Variants in AACS observed in about 807,000 individuals in gnomAD.
AACS encodes acetoacetate-CoA ligase.
A neutral mutation model predicts 83.1 loss-of-function variants in AACS; 69 were observed. The observed-to-expected ratio is 0.83, with a 90% confidence interval of 0.68 to 1.01. The LOEUF is 1.01. Ranked by LOEUF, AACS falls within the 50% of genes least tolerant of loss-of-function variation. The probability of loss-of-function intolerance (pLI) is 0.00; values close to 1 mark genes in which losing one functional copy is unlikely to be tolerated. For synonymous variants in AACS, 333 were observed against 343.4 expected (o/e 0.97, Z 0.33); for missense variants, 866 against 882.2 (o/e 0.98, Z 0.23).
In AACS at chr12:125,082,849, A is replaced by G. The variant is rs1956229140; in HGVS notation, c.359-3481A>G. 2.0e-5 allele frequency among the ~76,000 whole-genome samples: 3 copies of G among 152,262 alleles called. 1 individual carries two copies. In the South Asian group the frequency reaches 6.2e-4, roughly 32 times the overall value. ...CACACACAGACACACACACACACAC[A>G]AAGAGGTAATTCATGTTATAGAACT... is the stretch of plus-strand genomic sequence containing the variant. On this transcript the variant is annotated intron_variant, in intron 3 of 17. Transcript: ENST00000316519.
intron 12 of AACS, 153 bp downstream of exon 12, chr12:125,125,177 C>G (rs1039538738): frequency 4.9e-6 from 6 of 1,228,436 alleles, no homozygotes; most frequent in Non-Finnish European, 6.7e-6. Context: ...CAGTGATGTT[C>G]CACGAAGTCA....
chr12:125,078,465 T>C (rs1956085224), intron 3 of AACS: 2 of 382,740 alleles, frequency 5.2e-6, no homozygotes, highest in South Asian at 3.8e-5. Flanking sequence ...TGACTGGCTC[T>C]CCCGTGCCCT....
chr12:125,080,651 T>C (rs1190845547), intron 3 of AACS, among the ~76,000 whole-genome samples: 1 of 151,966 alleles, frequency 6.6e-6, no homozygotes, highest in East Asian at 1.9e-4. Context: ...CTTAAGTATT[T>C]GAGCCCCCCC....
Position 125,136,968 on chromosome 12 carries a change from G to A in AACS, c.1881+104G>A, listed in dbSNP as rs1565957426. 3.5e-5 allele frequency: 41 copies of A among 1,174,344 alleles called. No individual in the cohort carries two copies. In the South Asian group the frequency reaches 3.6e-4, roughly 10 times the overall value. 72.7% of individuals were successfully genotyped at this position (1,174,344 alleles called of 1,614,324 possible). A position where few individuals can be genotyped will look rare whatever the true frequency, so the allele number is the denominator to read the frequency against. ...GCAGCTTGCCGGTGCTTTATATATC[G>A]TTTGTCCACGTTGCCTAGCAACGCC... On this transcript the variant is annotated intron_variant, in intron 17 of 17. Coordinates refer to ENST00000316519, the MANE Select transcript of AACS (RefSeq NM_023928.5).
At chr12:125,066,941 C>T (rs1955717316) in intron 1 of AACS, among the ~76,000 whole-genome samples, 1 of 152,212 alleles carries the variant, frequency 6.6e-6, no homozygotes, top group Non-Finnish European at 1.5e-5. Flanking sequence ...AGCCCCTTGT[C>T]AGGGGTTCTG....
rs1957523362 is a variant in AACS at position 125,142,859 on chromosome 12, G to A, written c.*630G>A. ...GCCAGCTTCCCTCCAAGGAATGAGT[G>A]GATTTCATACAGGATCTCTTTATTG... On this transcript the variant is annotated 3_prime_UTR_variant, in exon 18 of 18. Transcript: ENST00000316519. 1 of 152,540 alleles carries A rather than the reference G, an allele frequency of 6.6e-6. No homozygotes were observed. Among genetic ancestry groups the A allele is most frequent in the Non-Finnish European group, 1.5e-5 (1 of 68,310 alleles). 9.4% of individuals were successfully genotyped at this position (152,540 alleles called of 1,614,324 possible). A position where few individuals can be genotyped will look rare whatever the true frequency, so the allele number is the denominator to read the frequency against.
At chr12:125,074,908 C>T (rs1955980112) in intron 2 of AACS, among the ~76,000 whole-genome samples, 1 of 151,864 alleles carries the variant, frequency 6.6e-6, no homozygotes, top group South Asian at 2.1e-4. Context: ...GGGTGATCCA[C>T]CCGCCTCAGC....
At chr12:125,104,854 A>G (rs554832122) in intron 7 of AACS, among the ~76,000 whole-genome samples, 4 of 152,288 alleles carry the variant, frequency 2.6e-5, no homozygotes, top group African/African-American at 7.2e-5. Context: ...AATTTATAAG[A>G]AAAGAGGTTT....
rs1289659195 is a variant in AACS, at chr12:125,143,200, T to G, written c.*971T>G. On this transcript the variant is annotated 3_prime_UTR_variant, in exon 18 of 18. Transcript: ENST00000316519. ...ATCTGATGTCCATTTTTATATTTTTTGAAACTGAGCACAATGAAATCCTTT... is the reference window on the plus strand; with the variant it reads ...ATCTGATGTCCATTTTTATATTTTTGGAAACTGAGCACAATGAAATCCTTT... 1 of 152,264 alleles carries G rather than the reference T, an allele frequency of 6.6e-6. No homozygotes were observed. Among genetic ancestry groups the G allele is most frequent in the South Asian group, 2.1e-4 (1 of 4,838 alleles). 9.4% of individuals were successfully genotyped at this position (152,264 alleles called of 1,614,324 possible). A position where few individuals can be genotyped will look rare whatever the true frequency, so the allele number is the denominator to read the frequency against.
At chr12:125,134,687 T>C (rs1434315645) in intron 15 of AACS, 107 bp from the exon 16 acceptor site, 3 of 1,256,612 alleles carry the variant, frequency 2.4e-6, no homozygotes, top group African/African-American at 2.9e-5. Flanking sequence ...TGACTAGTCC[T>C]GGGGGATGCC....
chr12:125,114,834 G>A (rs548998139), intron 9 of AACS, among the ~76,000 whole-genome samples: 5 of 151,584 alleles, frequency 3.3e-5, no homozygotes, highest in South Asian at 2.1e-4. Flanking sequence ...TTCCCCGGGC[G>A]CCGGCCCGTG....
chr12:125,088,221 A>G (rs1406368266), intron 4 of AACS, among the ~76,000 whole-genome samples: 1 of 147,606 alleles, frequency 6.8e-6, no homozygotes, highest in Admixed American at 6.7e-5. Context: ...TCATCAGAGC[A>G]GACTTTTTTT....
At chr12:125,081,435 G>T (rs1956182410) in intron 3 of AACS, among the ~76,000 whole-genome samples, 1 of 152,220 alleles carries the variant, frequency 6.6e-6, no homozygotes, top group African/African-American at 2.4e-5. Context: ...TGGCTCGGGG[G>T]CTTTAAGATC....
At chr12:125,067,049 G>A (rs531500889) in intron 1 of AACS, among the ~76,000 whole-genome samples, 1 of 152,268 alleles carries the variant, frequency 6.6e-6, no homozygotes, top group African/African-American at 2.4e-5. Context: ...TAATCTTGAA[G>A]CATACAGGTC....
intron 3 of AACS, among the ~76,000 whole-genome samples, chr12:125,079,535 C>G (rs983452975): frequency 6.6e-6 from 1 of 152,086 alleles, no homozygotes; most frequent in Non-Finnish European, 1.5e-5. Context: ...GCATGCACCA[C>G]TGTGTCCGGC....
intron 12 of AACS, 55 bp downstream of exon 12, chr12:125,125,079 T>G (rs1234262702): frequency 1.2e-6 from 2 of 1,610,064 alleles, no homozygotes; most frequent in Non-Finnish European, 1.7e-6. Context: ...CCCATAAGTA[T>G]GCACACCTCT....
rs947761416 is a variant in AACS at position 125,140,468 on chromosome 12, G to C, written c.1882-1624G>C. ...GCGTAGCAGGGCACAGAGCAGGCGA[G>C]ACGTTTGCATCTCACAGCGGGAGGG... On this transcript the variant is annotated intron_variant, in intron 17 of 17. Coordinates refer to ENST00000316519, the MANE Select transcript of AACS (RefSeq NM_023928.5). This position sits in a 1 kb window ranked among gnomAD's most constrained non-coding sequence, Gnocchi z 5.1. 1 of 152,260 alleles carries C rather than the reference G, an allele frequency of 6.6e-6. No individual in the cohort carries two copies. Among genetic ancestry groups the C allele is most frequent in the Non-Finnish European group, 1.5e-5 (1 of 68,052 alleles). The allele number at this position is 152,260 out of a possible 1,614,324, so 9.4% of individuals were successfully genotyped here. A position where few individuals can be genotyped will look rare whatever the true frequency, so the allele number is the denominator to read the frequency against.
chr12:125,113,299 G>A lies in AACS; in HGVS notation c.916-1178G>A, dbSNP rs1956989576. On this transcript the variant is annotated intron_variant, in intron 8 of 17. Coordinates refer to ENST00000316519, the MANE Select transcript of AACS (RefSeq NM_023928.5). This position sits in a 1 kb window ranked among gnomAD's most constrained non-coding sequence, Gnocchi z 4.8. ...TATAAGTCCTTGCTTCAGCCTTCTA[G>A]GCCCTCCACAACCAGGAGCACCTTT... 6.6e-6 allele frequency among the ~76,000 whole-genome samples: 1 copy of A among 152,216 alleles called. No individual in the cohort carries two copies. Among genetic ancestry groups the A allele is most frequent in the Non-Finnish European group, 1.5e-5 (1 of 68,040 alleles).
intron 6 of AACS, 85 bp from the exon 7 acceptor site, chr12:125,102,915 T>C (rs569708409): frequency 6.2e-6 from 9 of 1,458,302 alleles, no homozygotes; most frequent in African/African-American, 2.8e-5. Flanking sequence ...CTGCCCCAGA[T>C]TGTGTTATAT....
Sources: gnomAD v4.1 joint callset for allele counts (sites outside exome capture counted in the v4.1 genomes callset) on GRCh38, gnomAD v4.1.1 for gene constraint, Gnocchi (gnomAD v3.1) non-coding constraint, MANE v1.5 for transcripts, NCBI Gene and HGNC (gene_info 2026-07-23, HGNC 2026-07-21) for gene names.